Variants in IMMP2L observed in about 807,000 individuals in gnomAD.
IMMP2L encodes the protein inner mitochondrial membrane peptidase subunit 2.
In IMMP2L, 18 loss-of-function variants were observed where a neutral mutation model predicts 19.3. The ratio of observed to expected loss-of-function variants is 0.93; its 90% CI spans 0.64 to 1.38. IMMP2L has a LOEUF of 1.38. IMMP2L is among the 40% of genes most tolerant of loss of function. The probability of loss-of-function intolerance (pLI) is 0.00; values close to 1 mark genes in which losing one functional copy is unlikely to be tolerated. For synonymous variants in IMMP2L, 76 were observed against 73.0 expected, an observed-to-expected ratio of 1.04 and a Z score of -0.21; for missense variants, 233 against 218.2, an observed-to-expected ratio of 1.07 and a Z score of -0.43.
At chr7:111,003,740 G>A (rs1363916420) in intron 3 of IMMP2L, among the ~76,000 whole-genome samples, 3 of 151,932 alleles carry the variant, frequency 2.0e-5, no homozygotes, top group Non-Finnish European at 4.4e-5. Flanking sequence ...TAGAACTCCT[G>A]GGCTCAAGTA....
intron 5 of IMMP2L, among the ~76,000 whole-genome samples, chr7:110,702,090 A>G (rs1794328254): frequency 6.6e-6 from 1 of 151,252 alleles, no homozygotes; most frequent in Non-Finnish European, 1.5e-5. Flanking sequence ...CCTCTATCCC[A>G]GCTAATTTTT....
intron 3 of IMMP2L, chr7:111,395,116 G>A (rs559171603): frequency 6.3e-6 from 1 of 158,664 alleles, no homozygotes; most frequent in African/African-American, 2.4e-5. Flanking sequence ...GCAGGAAGCA[G>A]AGGGCAGCTG....
At chr7:111,440,613 C>T (rs949226363) in intron 3 of IMMP2L, among the ~76,000 whole-genome samples, 3 of 151,804 alleles carry the variant, frequency 2.0e-5, no homozygotes, top group Non-Finnish European at 4.4e-5. Context: ...AGAGCATATT[C>T]AGCATAATGC....
intron 3 of IMMP2L, among the ~76,000 whole-genome samples, chr7:111,058,240 T>C (rs1287686354): frequency 1.3e-5 from 2 of 152,166 alleles, no homozygotes; most frequent in African/African-American, 2.4e-5. Context: ...AAAGACAATC[T>C]ATTATTATGA....
chr7:110,981,954 A>G (rs1821350026), intron 3 of IMMP2L, among the ~76,000 whole-genome samples: 1 of 152,182 alleles, frequency 6.6e-6, no homozygotes, highest in East Asian at 1.9e-4. Context: ...CATTTCTTGG[A>G]AAGAGGAATA....
At chr7:110,922,307 T>C (rs1316914265) in intron 4 of IMMP2L, among the ~76,000 whole-genome samples, 4 of 152,214 alleles carry the variant, frequency 2.6e-5, no homozygotes, top group Non-Finnish European at 5.9e-5. Context: ...CTTCTTTATG[T>C]CTTCCACAAA....
chr7:110,944,151 C>T (rs1209660841), intron 4 of IMMP2L, among the ~76,000 whole-genome samples: 1 of 151,890 alleles, frequency 6.6e-6, no homozygotes, highest in East Asian at 1.9e-4. Context: ...TTTCATAAGG[C>T]AGGATTGTTC....
chr7:111,446,012 G>A lies in IMMP2L; in HGVS notation c.239+41226C>T, dbSNP rs572583514. ...CGCTTTTCAGACCGGCTTAAGAAAC[G>A]GCGCACCACGAGACTGTATCCCACA... On this transcript the variant is annotated intron_variant, in intron 3 of 5. Transcript: ENST00000405709. Among the ~76,000 whole-genome samples, 145 of 151,794 alleles carry A rather than the reference G, an allele frequency of 9.6e-4. 1 individual carries two copies. Among genetic ancestry groups the A allele is most frequent in the South Asian group, 2.9e-3 (14 of 4,818 alleles).
chr7:111,468,427 T>C (rs1489496849), intron 3 of IMMP2L, among the ~76,000 whole-genome samples: 1 of 152,162 alleles, frequency 6.6e-6, no homozygotes, highest in Non-Finnish European at 1.5e-5. Flanking sequence ...GTAGGGGCCA[T>C]ACTATCCATA....
chr7:111,522,958 A>G (rs118027231), intron 1 of IMMP2L, among the ~76,000 whole-genome samples: 1,917 of 122,510 alleles, frequency 0.016, 35 homozygotes, highest in Non-Finnish European at 0.021. Flanking sequence ...ATAAAAAAAG[A>G]ATGAAATCCT....
chr7:111,093,041 T>C (rs540571430), intron 3 of IMMP2L, among the ~76,000 whole-genome samples: 2 of 152,290 alleles, frequency 1.3e-5, no homozygotes, highest in South Asian at 2.1e-4. Flanking sequence ...TTCCCATAAA[T>C]GTGTCAAAAA....
intron 5 of IMMP2L, among the ~76,000 whole-genome samples, chr7:110,860,166 G>A (rs1807244341): frequency 6.6e-6 from 1 of 151,864 alleles, no homozygotes; most frequent in Non-Finnish European, 1.5e-5. Flanking sequence ...CCATTTTGTG[G>A]AATATATAAA....
intron 3 of IMMP2L, among the ~76,000 whole-genome samples, chr7:111,072,334 G>T (rs1795024151): frequency 6.6e-6 from 1 of 152,154 alleles, no homozygotes; most frequent in African/African-American, 2.4e-5. Flanking sequence ...ACCAGAAAAA[G>T]TTCACCCTAC....
chr7:110,814,987 C>T (rs911473682), intron 5 of IMMP2L, among the ~76,000 whole-genome samples: 3 of 151,906 alleles, frequency 2.0e-5, no homozygotes, highest in Non-Finnish European at 2.9e-5. Flanking sequence ...CCTCGTAAAA[C>T]CACACTGAAC....
At chr7:111,326,282 C>A (rs1327202928) in intron 3 of IMMP2L, among the ~76,000 whole-genome samples, 1 of 151,668 alleles carries the variant, frequency 6.6e-6, no homozygotes, top group Non-Finnish European at 1.5e-5. Context: ...AGATGCTTAG[C>A]AAATAATGAA....
chr7:111,043,760 T>G (rs1792115459), intron 3 of IMMP2L, among the ~76,000 whole-genome samples: 1 of 152,192 alleles, frequency 6.6e-6, no homozygotes, highest in Admixed American at 6.5e-5. Flanking sequence ...GAAATCTTAG[T>G]TAATATGTAC....
chr7:111,487,403 G>A (rs991681150), intron 2 of IMMP2L, 62 bp from the exon 3 acceptor site: 1 of 925,740 alleles, frequency 1.1e-6, no homozygotes. Flanking sequence ...CATGGTTCTT[G>A]CACTTCACAG....
chr7:111,519,703 A>C (rs1846172845), intron 2 of IMMP2L, among the ~76,000 whole-genome samples: 1 of 152,046 alleles, frequency 6.6e-6, no homozygotes, highest in Non-Finnish European at 1.5e-5. Context: ...ATGAACATAG[A>C]TGTTCAGTAG....
chr7:111,466,094 T>A (rs1030836497), intron 3 of IMMP2L, among the ~76,000 whole-genome samples: 100 of 152,042 alleles, frequency 6.6e-4, no homozygotes, highest in Non-Finnish European at 4.0e-4. Context: ...CAAACACCAC[T>A]TGTTCTCACT....
Sources: gnomAD v4.1 joint callset for allele counts (sites outside exome capture counted in the v4.1 genomes callset) on GRCh38, gnomAD v4.1.1 for gene constraint, MANE v1.5 for transcripts, NCBI Gene and HGNC (gene_info 2026-07-23, HGNC 2026-07-21) for gene names.